TGM3: variants seen among roughly 807,000 people sequenced by gnomAD.
TGM3 encodes the protein transglutaminase 3.
TGM3 carries 52 observed loss-of-function variants against 73.8 expected under a neutral mutation model. That is an observed-to-expected ratio of 0.70 (90% confidence interval 0.56 to 0.89). The LOEUF (loss-of-function observed/expected upper bound fraction) is 0.89, where lower values mean the gene tolerates loss of function less well. Among genes scored for constraint, TGM3 ranks in the 40% least tolerant of loss-of-function variants. The probability of loss-of-function intolerance (pLI) is 0.00; values close to 1 mark genes in which losing one functional copy is unlikely to be tolerated. For missense variants in TGM3, 928 were observed against 909.9 expected, an observed-to-expected ratio of 1.02 and a Z score of -0.26; for synonymous variants, 372 against 354.9, an observed-to-expected ratio of 1.05 and a Z score of -0.54.
rs2084338790 is a variant in TGM3, at chr20:2,334,697, A to G, written c.1643-419A>G. 6.6e-6 allele frequency among the ~76,000 whole-genome samples: 1 copy of G among 152,144 alleles called. No homozygotes were observed. ...CAGTGCTCACGCCTGTAATCCCAAC[A>G]CTTTGGGAGGCCAAGGCGGGAGGAT... On this transcript the variant is annotated intron_variant, in intron 10 of 12. Coordinates refer to ENST00000381458, the MANE Select transcript of TGM3 (RefSeq NM_003245.4). The surrounding 1 kb of genome is among the most constrained non-coding windows in gnomAD (Gnocchi z 4.0).
At position 2,300,228 on chromosome 20, in the gene TGM3, GAAAGAAAA is replaced by G. The variant is rs1239845878; in HGVS notation, c.7+4166_7+4173del. On this transcript the variant is annotated intron_variant, in intron 1 of 12. Coordinates refer to ENST00000381458, the MANE Select transcript of TGM3 (RefSeq NM_003245.4). ...GAAAGAAAGAAAGAGAAGAAAGAAA[GAAAGAAAA>G]AAAGAAAGAAAGAAAGAAAAGAGAG... Among the ~76,000 whole-genome samples, 150 of 100,226 alleles carry G rather than the reference GAAAGAAAA, an allele frequency of 1.5e-3. 1 individual carries two copies. In the Admixed American group the frequency reaches 0.015, roughly 10 times the overall value. 65.8% of individuals were successfully genotyped at this position (100,226 alleles called of 152,430 possible).
chr20:2,329,390 T>A (rs1219223139), intron 9 of TGM3, among the ~76,000 whole-genome samples: 3 of 152,174 alleles, frequency 2.0e-5, no homozygotes, highest in East Asian at 1.9e-4. Flanking sequence ...TTTGTGAACA[T>A]TTGGAGGCAC....
chr20:2,318,277 C>T lies in TGM3; in HGVS notation c.983+792C>T, dbSNP rs193266614. On this transcript the variant is annotated intron_variant, in intron 7 of 12. Coordinates refer to ENST00000381458, the MANE Select transcript of TGM3 (RefSeq NM_003245.4). The stretch of plus-strand genomic sequence containing the variant: ...CAGGCCATCCACCTGCCTCAGCTTC[C>T]CAAAGTGCTGGGATTACAGGCGTAA... 7.5e-3 allele frequency among the ~76,000 whole-genome samples: 1,146 copies of T among 152,272 alleles called. 3 individuals carry two copies. Among genetic ancestry groups the T allele is most frequent in the Non-Finnish European group, 0.01 (689 of 68,030 alleles).
chr20:2,301,372 T>G lies in TGM3; in HGVS notation c.7+5302T>G, dbSNP rs114132549. ...CTAAGATCTGCTTCAACTCCGTGAC[T>G]TCCCCTTTCATGAAGGGGAGATGGC... is the stretch of plus-strand genomic sequence containing the variant. On this transcript the variant is annotated intron_variant, in intron 1 of 12. Transcript: ENST00000381458. Among the ~76,000 whole-genome samples, 1,287 of 149,968 alleles carry G rather than the reference T, an allele frequency of 8.6e-3. 23 individuals are homozygous for G. The highest frequency in any genetic ancestry group is 0.03 in the African/African-American group (1,208 of 40,496).
chr20:2,300,368 G>A (rs2084138605), intron 1 of TGM3, among the ~76,000 whole-genome samples: 1 of 152,198 alleles, frequency 6.6e-6, no homozygotes, highest in African/African-American at 2.4e-5. Flanking sequence ...CATTCCAGGT[G>A]ATTCTTCTGG....
chr20:2,306,160 A>C (rs932776858), intron 1 of TGM3, among the ~76,000 whole-genome samples: 3 of 152,174 alleles, frequency 2.0e-5, no homozygotes, highest in Non-Finnish European at 4.4e-5. Context: ...GGAGCAAAGA[A>C]GGGTGTGGGC....
intron 7 of TGM3, among the ~76,000 whole-genome samples, chr20:2,325,420 G>A (rs761287363): frequency 1.1e-4 from 16 of 152,036 alleles, no homozygotes; most frequent in South Asian, 4.1e-4. Context: ...ATTCATTTTC[G>A]GCCAACACCA....
chr20:2,317,086 A>G lies in TGM3; in HGVS notation c.688A>G (p.Asn230Asp), dbSNP rs2084237576. 6.2e-7 allele frequency: 1 copy of G among 1,613,784 alleles called. No homozygotes were observed. Among genetic ancestry groups the G allele is most frequent in the African/African-American group, 1.3e-5 (1 of 74,928 alleles). Residue 230 changes from asparagine (N) to aspartate (D), a missense_variant, in exon 6 of 13, where the codon AAT becomes GAT. Transcript: ENST00000381458. ...LSAMINSNDD[N>D]GVLAGNWSGT... ...TGCCCAGATCAATAGCAATGATGAC[A>G]ATGGTGTGCTTGCTGGGAATTGGAG... is the stretch of plus-strand genomic sequence containing the variant.
Position 2,337,055 on chromosome 20 carries a change from A to G in TGM3, c.1800+1782A>G, listed in dbSNP as rs141965025. Reference sequence around the variant, plus strand: ...TTATTTGGTTGTGAATCCCTACCCAACCGTAAACTCCATGAGGGCAGGCAT... The same window carrying G: ...TTATTTGGTTGTGAATCCCTACCCAGCCGTAAACTCCATGAGGGCAGGCAT... On this transcript the variant is annotated intron_variant, in intron 11 of 12. Transcript: ENST00000381458. Among the ~76,000 whole-genome samples, 1,362 of 152,190 alleles carry G rather than the reference A, an allele frequency of 8.9e-3. 9 individuals carry two copies. The highest frequency in any genetic ancestry group is 0.016 in the South Asian group (78 of 4,822).
At chr20:2,309,245 G>A (rs957919213) in intron 1 of TGM3, among the ~76,000 whole-genome samples, 10 of 152,204 alleles carry the variant, frequency 6.6e-5, no homozygotes, top group African/African-American at 1.2e-4. Flanking sequence ...CAGACAGAAC[G>A]TAGGTGCTCT....
At chr20:2,339,092 C>T (rs554730833) in intron 11 of TGM3, among the ~76,000 whole-genome samples, 48 of 152,368 alleles carry the variant, frequency 3.2e-4, no homozygotes, top group Non-Finnish European at 4.8e-4. Context: ...CAGGGAACCT[C>T]TGGGCTCTAG....
chr20:2,301,230 T>C (rs1246615295), intron 1 of TGM3, among the ~76,000 whole-genome samples: 1 of 151,240 alleles, frequency 6.6e-6, no homozygotes, highest in Non-Finnish European at 1.5e-5. Context: ...AGCACGTGTG[T>C]CCTTGGAGCC....
chr20:2,334,486 G>A lies in TGM3; in HGVS notation c.1643-630G>A, dbSNP rs999550329. ...GAGACCAGACCAGAGGAATGAAGGG[G>A]ATGCTGTGGCAGTAGAACCCCAGGC... On this transcript the variant is annotated intron_variant, in intron 10 of 12. Transcript: ENST00000381458. This position sits in a 1 kb window ranked among gnomAD's most constrained non-coding sequence, Gnocchi z 4.0. 7.9e-5 allele frequency among the ~76,000 whole-genome samples: 12 copies of A among 152,224 alleles called. No individual in the cohort carries two copies. Among genetic ancestry groups the A allele is most frequent in the Admixed American group, 7.2e-4 (11 of 15,286 alleles).
Position 2,332,179 on chromosome 20 carries a change from T to A in TGM3, c.1511T>A (p.Leu504Gln). The change falls in exon 10 of 13, where the codon CTG (leucine) becomes CAG (glutamine). Residue 504 changes from leucine to glutamine, a missense_variant. Physicochemically the swap from Leu to Gln is moderately radical, Grantham distance 113 (BLOSUM62 -2). Transcript: ENST00000381458. The surrounding 1 kb of genome is among the most constrained non-coding windows in gnomAD (Gnocchi z 4.4). Reference sequence around the variant, plus strand: ...GGCAAAGAAGTCAACCTGGTCCTACTGCTCAAAAACCTGAGCAGGGATACG... The same window carrying A: ...GGCAAAGAAGTCAACCTGGTCCTACAGCTCAAAAACCTGAGCAGGGATACG... The part of the protein sequence containing the change: ...AVGKEVNLVL[L>Q]LKNLSRDTKT... The A allele has an allele frequency of 6.2e-7, 1 of 1,614,142 alleles. No homozygotes were observed. The highest frequency in any genetic ancestry group is 8.5e-7 in the Non-Finnish European group (1 of 1,180,008).
intron 7 of TGM3, among the ~76,000 whole-genome samples, chr20:2,321,275 G>A (rs1458246329): frequency 1.3e-5 from 2 of 152,202 alleles, no homozygotes; most frequent in African/African-American, 4.8e-5. Flanking sequence ...CTAGGCCTTA[G>A]AGACTGAATA....
Position 2,339,976 on chromosome 20 carries a change from C to T in TGM3, c.1923C>T (p.Asn641=). The T allele has an allele frequency of 6.5e-7, 1 of 1,547,880 alleles. No homozygotes were observed. The highest frequency in any genetic ancestry group is 8.8e-7 in the Non-Finnish European group (1 of 1,139,864). ...MVEGSGLLLG[N]LKIDVPTLGP... ...AGGGAAGCGGCCTGCTGTTGGGTAACCTGAAGATCGAGTGAGTCCTGGGCC... is the reference window on the plus strand; with the variant it reads ...AGGGAAGCGGCCTGCTGTTGGGTAATCTGAAGATCGAGTGAGTCCTGGGCC... The change falls in exon 12 of 13, where the codon AAC becomes AAT. Residue 641 remains asparagine, a synonymous_variant. Transcript: ENST00000381458.
At chr20:2,340,027 A>AGGGGGG in intron 12 of TGM3, 40 bp downstream of exon 12, 2 of 133,148 alleles carry the variant, frequency 1.5e-5, no homozygotes, top group Admixed American at 1.2e-4. Context: ...GGAGGGCGGG[A>AGGGGGG]GGGGGCGGGG....
At chr20:2,304,421 G>A (rs1305497789) in intron 1 of TGM3, among the ~76,000 whole-genome samples, 1 of 152,176 alleles carries the variant, frequency 6.6e-6, no homozygotes, top group African/African-American at 2.4e-5. Flanking sequence ...CAGCTCCCCT[G>A]AAGACGGCTC....
At position 2,327,985 on chromosome 20, in the gene TGM3, C is replaced by T; in HGVS notation, c.1088-135C>T. The stretch of plus-strand genomic sequence containing the variant: ...TCTGCAGAATGCCAAATGAGTGGGA[C>T]ACACAGTCAGGGGTGAAGGAATTTG... On this transcript the variant is annotated intron_variant, in intron 8 of 12. Transcript: ENST00000381458. 4 of 1,263,976 alleles carry T rather than the reference C, an allele frequency of 3.2e-6. No homozygotes were observed. In the South Asian group the frequency reaches 4.2e-5, roughly 13 times the overall value. The allele number at this position is 1,263,976 out of a possible 1,614,324, so 78.3% of individuals were successfully genotyped here.
Sources: allele counts gnomAD v4.1 joint callset (sites outside exome capture counted in the v4.1 genomes callset), GRCh38; gene constraint gnomAD v4.1.1; non-coding constraint Gnocchi (gnomAD v3.1); transcripts MANE v1.5; gene names NCBI Gene and HGNC (gene_info 2026-07-23, HGNC 2026-07-21).